Variants in SUN1 observed in about 807,000 individuals in gnomAD.
SUN1 encodes Sad1 and UNC84 domain containing 1.
In SUN1, 61 loss-of-function variants were observed where a neutral mutation model predicts 103.2. That is an observed-to-expected ratio of 0.59 (90% confidence interval 0.48 to 0.73). The LOEUF is 0.73. Ranked by LOEUF, SUN1 falls within the 30% of genes least tolerant of loss-of-function variation. The pLI, the probability that SUN1 is intolerant of heterozygous loss-of-function variation, is 0.00. For missense variants in SUN1, 1,052 were observed against 1,034.6 expected (o/e 1.02, Z -0.23); for synonymous variants, 490 against 425.7 (o/e 1.15, Z -1.86).
chr7:862,643 C>T (rs903152235), intron 15 of SUN1, among the ~76,000 whole-genome samples: 3 of 152,048 alleles, frequency 2.0e-5, no homozygotes, highest in Non-Finnish European at 2.9e-5. Flanking sequence ...CAGTTTGGGC[C>T]GAGAGATGTC....
intron 15 of SUN1, among the ~76,000 whole-genome samples, chr7:862,860 A>G (rs1415679624): frequency 2.0e-5 from 3 of 152,246 alleles, no homozygotes; most frequent in African/African-American, 7.2e-5. Context: ...TGTTTAAAAC[A>G]TCAGTTTCTG....
intron 5 of SUN1, among the ~76,000 whole-genome samples, chr7:847,448 T>G (rs932770407): frequency 6.9e-6 from 1 of 145,152 alleles, no homozygotes; most frequent in Non-Finnish European, 1.5e-5. Flanking sequence ...CCCTGGGGGT[T>G]ACTCCGCAGT....
upstream of SUN1, chr7:816,204 A>ACCCCTCCGCGATGCAGC (rs1780384632): frequency 3.6e-5 from 6 of 168,686 alleles, no homozygotes; most frequent in Non-Finnish European, 6.1e-5. Context: ...CCAGGTGCAG[A>ACCCCTCCGCGATGCAGC]CCCCTCCCCC....
intron 2 of SUN1, chr7:841,736 G>A: frequency 3.6e-6 from 2 of 552,144 alleles, no homozygotes; most frequent in Non-Finnish European, 6.3e-6. Context: ...ACTATTTTGT[G>A]TTTACAATTT....
intron 1 of SUN1, among the ~76,000 whole-genome samples, chr7:818,180 C>A (rs1454487468): frequency 6.6e-6 from 1 of 152,192 alleles, no homozygotes; most frequent in Non-Finnish European, 1.5e-5. Context: ...ACCTGTTAAG[C>A]AGCCACTGCC....
chr7:829,421 C>G (rs1584119425), upstream of SUN1, among the ~76,000 whole-genome samples: 1 of 152,204 alleles, frequency 6.6e-6, no homozygotes, highest in Admixed American at 6.5e-5. Flanking sequence ...AGTGCAAGGG[C>G]TGGGGGCTCC....
chr7:844,011 C>A, intron 5 of SUN1: 3 of 495,308 alleles, frequency 6.1e-6, no homozygotes, highest in Non-Finnish European at 5.4e-6. Flanking sequence ...GGGAAGGACA[C>A]ACGTGACTCT....
intron 3 of SUN1, 190 bp from the exon 4 acceptor site, chr7:843,016 G>A (rs1811676361): frequency 7.6e-6 from 6 of 791,442 alleles, no homozygotes; most frequent in Admixed American, 5.6e-5. Flanking sequence ...TCAAGGATAA[G>A]CTTTCACCTT....
chr7:856,621 G>A (rs1036946109), intron 12 of SUN1, among the ~76,000 whole-genome samples: 1 of 152,156 alleles, frequency 6.6e-6, no homozygotes, highest in Non-Finnish European at 1.5e-5. Flanking sequence ...GTGGACCTCT[G>A]TAGTTAGCAC....
chr7:822,829 G>A (rs1433483152), intron 1 of SUN1, among the ~76,000 whole-genome samples: 1 of 152,214 alleles, frequency 6.6e-6, no homozygotes, highest in East Asian at 1.9e-4. Flanking sequence ...GAACATGCCG[G>A]GAGGAAGAAT....
chr7:849,493 C>T (rs1337504840), intron 5 of SUN1: 5 of 1,354,062 alleles, frequency 3.7e-6, no homozygotes, highest in Non-Finnish European at 4.9e-6. Context: ...CGGTGAGTTC[C>T]CTAAGCCTCT....
chr7:872,641 C>T (rs1463029347), intron 18 of SUN1, 79 bp downstream of exon 18: 2 of 1,173,960 alleles, frequency 1.7e-6, no homozygotes, highest in Non-Finnish European at 2.5e-6. Flanking sequence ...CTGGCATCAA[C>T]AGACTGGAAA....
At chr7:840,306 C>A (rs540102087) in intron 2 of SUN1, among the ~76,000 whole-genome samples, 2 of 152,348 alleles carry the variant, frequency 1.3e-5, no homozygotes, top group East Asian at 3.9e-4. Flanking sequence ...CCAGCAGATC[C>A]CATTGGGTAG....
intron 1 of SUN1, among the ~76,000 whole-genome samples, chr7:834,498 C>G (rs1170546446): frequency 6.6e-6 from 1 of 152,118 alleles, no homozygotes; most frequent in Admixed American, 6.5e-5. Context: ...CCTCCTGGTC[C>G]TGGGCTGGCC....
At chr7:823,529 G>A (rs549940733) in intron 1 of SUN1, among the ~76,000 whole-genome samples, 52 of 152,222 alleles carry the variant, frequency 3.4e-4, no homozygotes, top group Admixed American at 5.2e-4. Context: ...AATGGGTGGG[G>A]AGGAGAGGGT....
In SUN1 at chr7:860,132, A is replaced by C. The variant is rs1171905949; in HGVS notation, c.1529A>C (p.Asp510Ala). 1 of 1,613,846 alleles carries C rather than the reference A, an allele frequency of 6.2e-7. No individual in the cohort carries two copies. The highest frequency in any genetic ancestry group is 8.5e-7 in the Non-Finnish European group (1 of 1,179,772). The stretch of plus-strand genomic sequence containing the variant: ...GTCCGTCTGCTGTTTTACTAGGTGG[A>C]CGTGCAAGTCAGAGAAATGGTGAAA... ...ETVDAVQERV[D>A]VQVREMVKLL... Residue 510 changes from aspartate (D) to alanine (A), a missense_variant, in exon 14 of 19, where the codon GAC becomes GCC. By Grantham distance (126) the Asp-to-Ala change is moderately radical. Coordinates refer to ENST00000401592, the MANE Select transcript of SUN1 (RefSeq NM_001130965.3).
At chr7:840,099 G>A (rs959766802) in intron 2 of SUN1, among the ~76,000 whole-genome samples, 7 of 152,146 alleles carry the variant, frequency 4.6e-5, no homozygotes, top group African/African-American at 1.7e-4. Context: ...TCTTTCTCTC[G>A]AGAAGGAAGA....
rs536246755 is a variant in SUN1 at position 864,689 on chromosome 7, C to T, written c.1865-1263C>T. Among the ~76,000 whole-genome samples the T allele has an allele frequency of 5.1e-3, 254 of 49,812 alleles. 2 individuals carry two copies. Among genetic ancestry groups the T allele is most frequent in the African/African-American group, 0.015 (236 of 15,414 alleles). 32.7% of individuals were successfully genotyped at this position (49,812 alleles called of 152,430 possible). On this transcript the variant is annotated intron_variant, in intron 15 of 18. Transcript: ENST00000401592. ...TGTCGCCCAGGCTGGAGTGCAATGGCGCAATCTCGGCTCGCCGCAACCTCT... is the reference window on the plus strand; with the variant it reads ...TGTCGCCCAGGCTGGAGTGCAATGGTGCAATCTCGGCTCGCCGCAACCTCT...
At position 871,500 on chromosome 7, in the gene SUN1, G is replaced by A. The variant is rs1841654724; in HGVS notation, c.2149-970G>A. On this transcript the variant is annotated intron_variant, in intron 17 of 18. Transcript: ENST00000401592. ...CCTCCCGGGTTCAAGCGATTCTCCT[G>A]CCTCAGCCTCCCGAGTAGCCGGGAC... is the stretch of plus-strand genomic sequence containing the variant. 3.3e-5 allele frequency among the ~76,000 whole-genome samples: 5 copies of A among 152,164 alleles called. No homozygotes were observed. In the South Asian group the frequency reaches 1.0e-3, roughly 32 times the overall value.
Sources: allele counts gnomAD v4.1 joint callset (sites outside exome capture counted in the v4.1 genomes callset), GRCh38; gene constraint gnomAD v4.1.1; transcripts MANE v1.5; gene names NCBI Gene and HGNC (gene_info 2026-07-23, HGNC 2026-07-21).